ACCS: variants seen among roughly 807,000 people sequenced by gnomAD.
ACCS encodes 1-aminocyclopropane-1-carboxylate synthase homolog (inactive).
Under a neutral mutation model 59.8 loss-of-function variants are expected in ACCS, and 42 were observed. That is an observed-to-expected ratio of 0.70 (90% CI 0.55 to 0.91). ACCS has a LOEUF of 0.91. ACCS is among the 40% of genes least tolerant of loss of function. The probability of loss-of-function intolerance (pLI) is 0.00; values close to 1 mark genes in which losing one functional copy is unlikely to be tolerated. For missense variants in ACCS, 602 were observed against 630.4 expected, an observed-to-expected ratio of 0.95 and a Z score of 0.48; for synonymous variants, 230 against 240.3, an observed-to-expected ratio of 0.96 and a Z score of 0.40.
chr11:44,074,625 G>T lies in ACCS; in HGVS notation c.433G>T (p.Val145Leu). ...TCTTATCTTCAGCCTCCGGGAGGAA[G>T]TGGCCAAGTTCCTGTCTTTCTACTG... The part of the protein sequence containing the change: ...WRGHLFLREE[V>L]AKFLSFYCKS... Residue 145 changes from valine (V) to leucine (L), a missense_variant, in exon 5 of 15, where the codon GTG (valine) becomes TTG (leucine). Physicochemically the swap from Val to Leu is conservative, Grantham distance 32. Coordinates refer to ENST00000263776, the MANE Select transcript of ACCS (RefSeq NM_032592.4). The T allele has an allele frequency of 6.2e-7, 1 of 1,613,662 alleles. No homozygotes were observed. Among genetic ancestry groups the T allele is most frequent in the Middle Eastern group, 1.7e-4 (1 of 6,060 alleles).
chr11:44,083,648 C>T lies in ACCS; in HGVS notation c.1409-47C>T, dbSNP rs75826538. ...TGTGGCCTCCGCTTGTTTGTCCCCA[C>T]CCACGTGGCCATCAGTGCCAACTGG... On this transcript the variant is annotated intron_variant, in intron 14 of 14. Coordinates refer to ENST00000263776, the MANE Select transcript of ACCS (RefSeq NM_032592.4). 1,164 of 1,614,178 alleles carry T rather than the reference C, an allele frequency of 7.2e-4. 6 individuals carry two copies. In the African/African-American group the frequency reaches 0.014, roughly 19 times the overall value.
Position 44,075,510 on chromosome 11 carries a change from G to T in ACCS, c.490-16G>T, listed in dbSNP as rs776207337. The T allele has an allele frequency of 4.3e-6, 7 of 1,613,648 alleles. No homozygotes were observed. The highest frequency in any genetic ancestry group is 5.1e-6 in the Non-Finnish European group (6 of 1,179,682). On this transcript the variant is annotated splice_polypyrimidine_tract_variant and intron_variant, in intron 5 of 14. Coordinates refer to ENST00000263776, the MANE Select transcript of ACCS (RefSeq NM_032592.4). ...GGAACTGGTTCATCTTCATCCCTTG[G>T]ATATGTCGCCCTTAGGTGGTTGTCC...
At chr11:44,079,669 G>T (rs1375255430) in intron 10 of ACCS, 49 bp downstream of exon 10, 1 of 1,539,420 alleles carries the variant, frequency 6.5e-7, no homozygotes, top group Non-Finnish European at 8.8e-7. Context: ...TTATCCCACG[G>T]AGCCCTGGCC....
chr11:44,079,821 C>G (rs1953556147), intron 10 of ACCS, among the ~76,000 whole-genome samples: 2 of 152,206 alleles, frequency 1.3e-5, no homozygotes, highest in Non-Finnish European at 2.9e-5. Flanking sequence ...TGTGGAATTT[C>G]TGAGAACTCC....
At chr11:44,075,729 A>G in intron 6 of ACCS, 137 bp downstream of exon 6, 4 of 1,086,656 alleles carry the variant, frequency 3.7e-6, no homozygotes, top group South Asian at 3.4e-5. Context: ...GGCTTGAATA[A>G]GTGGCTTGAC....
At position 44,067,643 on chromosome 11, in the gene ACCS, C is replaced by G. The variant is rs1952852721; in HGVS notation, c.16C>G (p.Gln6Glu). 1.2e-6 allele frequency: 2 copies of G among 1,609,928 alleles called. No homozygotes were observed. Among genetic ancestry groups the G allele is most frequent in the Admixed American group, 3.4e-5 (2 of 59,410 alleles). Reference sequence around the variant, plus strand: ...CTTTTTGCAGATGTTCACCCTTCCTCAAAAGGACTTCAGGGCTCCCACCAC... The same window carrying G: ...CTTTTTGCAGATGTTCACCCTTCCTGAAAAGGACTTCAGGGCTCCCACCAC... MFTLP[Q>E]KDFRAPTTCL... The change falls in exon 2 of 15, where the codon CAA becomes GAA. Residue 6 changes from glutamine to glutamate, a missense_variant. Coordinates refer to ENST00000263776, the MANE Select transcript of ACCS (RefSeq NM_032592.4).
Position 44,077,610 on chromosome 11 carries a change from A to G in ACCS, c.654+234A>G, listed in dbSNP as rs74341241. 2,822 of 1,435,398 alleles carry G rather than the reference A, an allele frequency of 2.0e-3. 29 individuals carry two copies. The African/African-American group carries it at 0.021, about 10-fold the overall frequency. The allele number at this position is 1,435,398 out of a possible 1,614,324, so 88.9% of individuals were successfully genotyped here. On this transcript the variant is annotated intron_variant, in intron 7 of 14. Transcript: ENST00000263776. ...CCAAGAGCCAGACCCAGAAACAGCA[A>G]GGTAGGAACAGAGCAGGGTAGACCT...
chr11:44,071,134 T>G, intron 2 of ACCS, 122 bp from the exon 3 acceptor site: 1 of 954,708 alleles, frequency 1.0e-6, no homozygotes, highest in Non-Finnish European at 1.7e-6. Context: ...CAAGGAGGGA[T>G]GTTTGAAAGG....
At chr11:44,083,659 A>T (rs780134427) in intron 14 of ACCS, 36 bp from the exon 15 acceptor site, 2 of 1,614,172 alleles carry the variant, frequency 1.2e-6, no homozygotes, top group Non-Finnish European at 1.7e-6. Flanking sequence ...CCACGTGGCC[A>T]TCAGTGCCAA....
At chr11:44,075,502 AT>A (rs755391136) in intron 5 of ACCS, 23 bp from the exon 6 acceptor site, 11 of 1,612,782 alleles carry the variant, frequency 6.8e-6, no homozygotes, top group Non-Finnish European at 8.5e-6. Context: ...GTTCATCTTC[AT>A]CCCTTGGATA....
chr11:44,073,210 T>C, intron 3 of ACCS: 1 of 529,750 alleles, frequency 1.9e-6, no homozygotes, highest in South Asian at 2.0e-5. Flanking sequence ...GAGTCAAAAA[T>C]TTTGGGTTTT....
At chr11:44,073,577 C>A in intron 4 of ACCS, 60 bp downstream of exon 4, 1 of 1,521,846 alleles carries the variant, frequency 6.6e-7, no homozygotes, top group Non-Finnish European at 8.9e-7. Context: ...TGTTGGGAGA[C>A]ATTTTTGGTT....
rs761881371 is a variant in ACCS at position 44,071,326 on chromosome 11, G to A, written c.348+11G>A. 16 of 1,613,686 alleles carry A rather than the reference G, an allele frequency of 9.9e-6. No individual in the cohort carries two copies. The highest frequency in any genetic ancestry group is 1.3e-5 in the African/African-American group (1 of 75,032). ...CTGCTGTCCTGGCGGGTAAGTCCTA[G>A]GGCCCCTCTAGGGGGCATCACCAGC... is the stretch of plus-strand genomic sequence containing the variant. On this transcript the variant is annotated intron_variant, in intron 3 of 14. Transcript: ENST00000263776.
chr11:44,069,653 A>G (rs751125573), intron 2 of ACCS, among the ~76,000 whole-genome samples: 7 of 152,128 alleles, frequency 4.6e-5, no homozygotes, highest in Non-Finnish European at 8.8e-5. Flanking sequence ...ACTTCCAATG[A>G]CACTCTTATG....
At chr11:44,070,111 G>A (rs993010991) in intron 2 of ACCS, among the ~76,000 whole-genome samples, 3 of 152,214 alleles carry the variant, frequency 2.0e-5, no homozygotes, top group African/African-American at 4.8e-5. Context: ...AGAGGATGGG[G>A]TGGTGGAGGT....
intron 2 of ACCS, among the ~76,000 whole-genome samples, chr11:44,069,524 C>T (rs1362358476): frequency 6.6e-6 from 1 of 152,182 alleles, no homozygotes; most frequent in African/African-American, 2.4e-5. Flanking sequence ...GCCAAGCCAC[C>T]GTGCCAGTCC....
At chr11:44,076,167 G>C (rs1455113681) in intron 6 of ACCS, among the ~76,000 whole-genome samples, 2 of 152,258 alleles carry the variant, frequency 1.3e-5, no homozygotes, top group Non-Finnish European at 2.9e-5. Context: ...TGGAATGGCT[G>C]TTGAGTGGGC....
intron 6 of ACCS, 64 bp downstream of exon 6, chr11:44,075,656 G>T: frequency 7.0e-6 from 11 of 1,575,782 alleles, no homozygotes; most frequent in Non-Finnish European, 9.6e-6. Context: ...GTTCCCAGTT[G>T]CCTGGCCTCA....
At chr11:44,077,228 T>G in intron 6 of ACCS, 51 bp from the exon 7 acceptor site, 1 of 1,586,490 alleles carries the variant, frequency 6.3e-7, no homozygotes, top group South Asian at 1.1e-5. Flanking sequence ...ACAGAGGGTC[T>G]GGGGTGTTCT....
Sources: allele counts gnomAD v4.1 joint callset (sites outside exome capture counted in the v4.1 genomes callset), GRCh38; gene constraint gnomAD v4.1.1; transcripts MANE v1.5; gene names NCBI Gene and HGNC (gene_info 2026-07-23, HGNC 2026-07-21).